The following KIF4A variants were observed in gnomAD, a reference collection of about 807,000 sequenced individuals.
The protein encoded by KIF4A is chromosome-associated kinesin KIF4A.
In KIF4A, 7 loss-of-function variants were observed where a neutral mutation model predicts 105.9. That is an observed-to-expected ratio of 0.07 (90% CI 0.04 to 0.12). The LOEUF is 0.12. Among genes scored for constraint, KIF4A ranks in the 10% least tolerant of loss-of-function variants. The pLI is 1.00. For synonymous variants in KIF4A, 281 were observed against 331.3 expected, an observed-to-expected ratio of 0.85 and a Z score of 1.65; for missense variants, 558 against 929.2, an observed-to-expected ratio of 0.60 and a Z score of 5.19.
chrX:70,312,466 C>G (rs990030936), intron 7 of KIF4A, among the ~76,000 whole-genome samples: 2 of 111,569 alleles, frequency 1.8e-5, no homozygotes, highest in African/African-American at 6.5e-5. Flanking sequence ...GTCCTTTAAT[C>G]TCTAGGTACC....
chrX:70,336,735 TGTG>T (rs1406528476), intron 10 of KIF4A, among the ~76,000 whole-genome samples: 2 of 111,861 alleles, frequency 1.8e-5, no homozygotes, highest in Non-Finnish European at 1.9e-5. Flanking sequence ...AAAAATAAAT[TGTG>T]GTAAAATATA....
chrX:70,333,238 C>A (rs2085937839), intron 9 of KIF4A, among the ~76,000 whole-genome samples: 1 of 106,742 alleles, frequency 9.4e-6, no homozygotes, highest in Non-Finnish European at 1.9e-5. Context: ...ACTTGGGAGG[C>A]TGAGGCAGGA....
At chrX:70,368,659 C>T (rs184724422) in intron 15 of KIF4A, among the ~76,000 whole-genome samples, 2 of 111,934 alleles carry the variant, frequency 1.8e-5, no homozygotes, top group African/African-American at 6.5e-5. Context: ...GTCTGCCCCT[C>T]CTGGGGGGTG....
At chrX:70,399,760 A>C in intron 22 of KIF4A, among the ~76,000 whole-genome samples, 1 of 79,377 alleles carries the variant, frequency 1.3e-5, no homozygotes, top group African/African-American at 4.9e-5. Context: ...ATGAGAACAC[A>C]TGGACAGAGG....
chrX:70,292,307 C>T (rs1030953268), intron 3 of KIF4A, among the ~76,000 whole-genome samples: 3 of 112,361 alleles, frequency 2.7e-5, no homozygotes, highest in Non-Finnish European at 3.8e-5. Flanking sequence ...TTCAAAATCA[C>T]GTTTTATTTA....
At chrX:70,351,220 G>A (rs1012581361) in intron 13 of KIF4A, among the ~76,000 whole-genome samples, 2 of 111,089 alleles carry the variant, frequency 1.8e-5, no homozygotes, top group Admixed American at 9.6e-5. Flanking sequence ...GGGTAGTACC[G>A]AAGACTGGAT....
intron 15 of KIF4A, among the ~76,000 whole-genome samples, chrX:70,367,982 T>A (rs2086112118): frequency 8.9e-6 from 1 of 111,878 alleles, no homozygotes; most frequent in South Asian, 3.7e-4. Context: ...ACTTATCTTC[T>A]CGCTTCATTT....
At chrX:70,418,140 GAA>G (rs1369247124) in intron 29 of KIF4A, 136 bp downstream of exon 29, 1 of 471,892 alleles carries the variant, frequency 2.1e-6, no homozygotes, top group Admixed American at 3.7e-5. Flanking sequence ...TCTGCACCCA[GAA>G]AAAGAGACAG....
At chrX:70,366,629 T>A (rs1417864443) in intron 15 of KIF4A, among the ~76,000 whole-genome samples, 2 of 112,119 alleles carry the variant, frequency 1.8e-5, no homozygotes, top group Non-Finnish European at 3.8e-5. Context: ...TTGTTATAAT[T>A]TCTGTTCTTT....
chrX:70,344,161 G>A (rs779999553), intron 13 of KIF4A, among the ~76,000 whole-genome samples, 179 bp downstream of exon 13: 2 of 112,134 alleles, frequency 1.8e-5, no homozygotes, highest in Admixed American at 1.9e-4. Flanking sequence ...AACACTCATA[G>A]GTTACATATA....
chrX:70,405,901 A>G lies in KIF4A; in HGVS notation c.2972A>G (p.Lys991Arg), dbSNP rs760253244. ...CTTCTCCGAGAGAATGAAATCATCA[A>G]GCAGGTAATACAGTTTCCCACCCAC... Reference protein sequence around the residue: ...QQLLRENEIIKQKLTLLQVAS... With the variant: ...QQLLRENEIIRQKLTLLQVAS... The change falls in exon 26 of 31, where the codon AAG (lysine) becomes AGG (arginine). Residue 991 changes from lysine to arginine, a missense_variant. Around this residue, in one of 2 missense-constraint regions of KIF4A, gnomAD observed 469 missense variants for 680.4 expected, o/e 0.69. Transcript: ENST00000374403. 8.3e-7 allele frequency: 1 copy of G among 1,203,145 alleles called. No individual in the cohort carries two copies. The highest frequency in any genetic ancestry group is 1.8e-5 in the South Asian group (1 of 56,746).
chrX:70,359,437 T>TTCTC (rs777564349), intron 15 of KIF4A, among the ~76,000 whole-genome samples: 172 of 104,526 alleles, frequency 1.6e-3, no homozygotes, highest in Middle Eastern at 0.015. Context: ...CTTTCTTTCT[T>TTCTC]TCTCTCTCTC....
intron 15 of KIF4A, among the ~76,000 whole-genome samples, chrX:70,360,771 G>C (rs1331657363): frequency 8.9e-6 from 1 of 112,901 alleles, no homozygotes; most frequent in Non-Finnish European, 1.9e-5. Context: ...GCACCAACAG[G>C]CAGGAAAGGG....
At chrX:70,399,116 T>C (rs1037246783) in intron 22 of KIF4A, among the ~76,000 whole-genome samples, 2 of 112,376 alleles carry the variant, frequency 1.8e-5, no homozygotes, top group Admixed American at 9.5e-5. Context: ...TGTTACATCC[T>C]GTGTGACGAA....
chrX:70,329,621 AC>A (rs2085922912), intron 8 of KIF4A, 100 bp downstream of exon 8: 1 of 621,671 alleles, frequency 1.6e-6, no homozygotes, highest in Non-Finnish European at 2.6e-6. Flanking sequence ...TTGGACTATG[AC>A]ATACACAGTT....
At chrX:70,308,582 A>T (rs2085836236) in intron 7 of KIF4A, among the ~76,000 whole-genome samples, 1 of 112,190 alleles carries the variant, frequency 8.9e-6, no homozygotes, top group Admixed American at 9.4e-5. Flanking sequence ...ACTTGCTTTT[A>T]TCTCTTCGTG....
intron 7 of KIF4A, among the ~76,000 whole-genome samples, chrX:70,309,516 T>C (rs1411866149): frequency 8.9e-6 from 1 of 112,124 alleles, no homozygotes; most frequent in African/African-American, 3.2e-5. Flanking sequence ...TCTTCTTACA[T>C]ATTTTTTCTA....
intron 15 of KIF4A, among the ~76,000 whole-genome samples, 175 bp from the exon 16 acceptor site, chrX:70,373,976 C>G (rs887220629): frequency 1.9e-5 from 2 of 105,996 alleles, no homozygotes; most frequent in African/African-American, 6.8e-5. Context: ...CCTCAGATTC[C>G]AAACATTTCC....
At position 70,330,172 on chromosome X, in the gene KIF4A, A is replaced by G. The variant is rs1403676883; in HGVS notation, c.911A>G (p.Asn304Ser). The G allele has an allele frequency of 2.5e-6, 3 of 1,196,001 alleles. No individual in the cohort carries two copies. The African/African-American group carries it at 5.3e-5, about 21-fold the overall frequency. The change falls in exon 9 of 31, where the codon AAT (asparagine) becomes AGT (serine). Residue 304 changes from asparagine (N) to serine (S), a missense_variant. This residue lies in a region of KIF4A where 89 missense variants were observed against 248.8 expected (regional missense o/e 0.36). Coordinates refer to ENST00000374403, the MANE Select transcript of KIF4A (RefSeq NM_012310.5). ...TRLLQDSLGG[N>S]SHTLMIACVS... ...TCTTTTTCAGATTCTCTAGGAGGTA[A>G]TAGCCATACTCTTATGATAGCCTGT...
Sources: gnomAD v4.1 joint callset for allele counts (sites outside exome capture counted in the v4.1 genomes callset) on GRCh38, gnomAD v4.1.1 for gene constraint, gnomAD v4.1.1 regional missense constraint, MANE v1.5 for transcripts, NCBI Gene and HGNC (gene_info 2026-07-23, HGNC 2026-07-21) for gene names.